The following ERMP1 variants were observed in gnomAD, a reference collection of about 807,000 sequenced individuals.
ERMP1 encodes Felix-ina.
Under a neutral mutation model 92.0 loss-of-function variants are expected in ERMP1, and 86 were observed. The ratio of observed to expected loss-of-function variants is 0.93; its 90% CI spans 0.79 to 1.12. ERMP1 has a LOEUF of 1.12. ERMP1 is among the 50% of genes most tolerant of loss of function. The pLI is 0.00. For synonymous variants in ERMP1, 530 were observed against 412.8 expected (o/e 1.28, Z -3.44); for missense variants, 1,342 against 1,116.3 (o/e 1.20, Z -2.88).
chr9:5,845,149 T>A (rs1586836948), intron 6 of ERMP1, among the ~76,000 whole-genome samples: 1 of 17,060 alleles, frequency 5.9e-5, no homozygotes, highest in African/African-American at 8.2e-5. Context: ...CAGTGTTTTT[T>A]TTTTTTGTTG....
rs1382759171 is a variant in ERMP1, at chr9:5,787,497, C to T, written c.2483G>A (p.Gly828Glu). 1.9e-6 allele frequency: 3 copies of T among 1,613,924 alleles called. No individual in the cohort carries two copies. Among genetic ancestry groups the T allele is most frequent in the East Asian group, 2.2e-5 (1 of 44,900 alleles). Residue 828 changes from glycine (G) to glutamate (E), a missense_variant, in exon 14 of 15, where the codon GGA becomes GAA. By Grantham distance (98) the Gly-to-Glu change is moderately conservative. Coordinates refer to ENST00000339450, the MANE Select transcript of ERMP1 (RefSeq NM_024896.3). ...ATGGGAGTAAAAGACAAAGTAGTCT[C>T]CTCCTTTACTTGTGACTGGGGTGCC... ...GNGTPVTSKG[G>E]DYFVFYSHGL...
rs757314718 is a variant in ERMP1, at chr9:5,786,140, T to G, written c.*1004A>C. 15 of 152,264 alleles carry G rather than the reference T, an allele frequency of 9.9e-5. No individual in the cohort carries two copies. Among genetic ancestry groups the G allele is most frequent in the Admixed American group, 7.2e-4 (11 of 15,278 alleles). 9.4% of individuals were successfully genotyped at this position (152,264 alleles called of 1,614,324 possible). On this transcript the variant is annotated 3_prime_UTR_variant, in exon 15 of 15. Transcript: ENST00000339450. Reference sequence around the variant, plus strand: ...AGAAAAACTAATCTATTCAACTGGCTGGAAAACAAAAAGATAGGCCCAGTG... The same window carrying G: ...AGAAAAACTAATCTATTCAACTGGCGGGAAAACAAAAAGATAGGCCCAGTG...
At chr9:5,857,827 G>T (rs1204881102) in intron 6 of ERMP1, among the ~76,000 whole-genome samples, 2 of 152,146 alleles carry the variant, frequency 1.3e-5, no homozygotes, top group South Asian at 2.1e-4. Context: ...TGTTTACTAA[G>T]CACCTAGCAA....
chr9:5,789,645 C>T (rs940022588), intron 13 of ERMP1, among the ~76,000 whole-genome samples: 4 of 152,016 alleles, frequency 2.6e-5, no homozygotes, highest in Non-Finnish European at 4.4e-5. Flanking sequence ...GGCTGGAATG[C>T]AGTGGCATGA....
chr9:5,849,414 G>A lies in ERMP1; in HGVS notation n.3199+10054C>T, dbSNP rs575620431. On this transcript the variant is annotated intron_variant and non_coding_transcript_variant, in intron 6 of 6. Coordinates refer to the ERMP1 transcript ENST00000690753. ...ATTTTACAGATGAGCAACCTGGTCC[G>A]GGGGAGGAGAACTGACTTAGCCAAA... Among the ~76,000 whole-genome samples the A allele has an allele frequency of 4.6e-5, 7 of 152,252 alleles. No individual in the cohort carries two copies. In the East Asian group the frequency reaches 9.7e-4, roughly 21 times the overall value.
intron 6 of ERMP1, among the ~76,000 whole-genome samples, chr9:5,853,527 C>T (rs1338508590): frequency 6.6e-6 from 1 of 151,974 alleles, no homozygotes; most frequent in East Asian, 1.9e-4. Flanking sequence ...AGATAAAGTT[C>T]AAAGAATTCT....
intron 6 of ERMP1, among the ~76,000 whole-genome samples, chr9:5,855,568 T>TGGGAA (rs1830363752): frequency 6.6e-6 from 1 of 152,258 alleles, no homozygotes; most frequent in Non-Finnish European, 1.5e-5. Context: ...AGTTGCTTTC[T>TGGGAA]TGTGGAGGTA....
chr9:5,832,837 G>T lies in ERMP1; in HGVS notation c.191C>A (p.Ala64Glu). The T allele has an allele frequency of 6.7e-7, 1 of 1,502,304 alleles. No individual in the cohort carries two copies. Among genetic ancestry groups the T allele is most frequent in the Non-Finnish European group, 8.8e-7 (1 of 1,133,798 alleles). 93.1% of individuals were successfully genotyped at this position (1,502,304 alleles called of 1,614,324 possible). Residue 64 changes from alanine to glutamate, a missense_variant, in exon 1 of 15, where the codon GCG (alanine) becomes GAG (glutamate). Coordinates refer to ENST00000339450, the MANE Select transcript of ERMP1 (RefSeq NM_024896.3). The stretch of plus-strand genomic sequence containing the variant: ...GCGCACCTCAGACAGCCCGGTCCCC[G>T]CGCCCCTGCTCGCGCCGCCGCTACC... ...PGGSGGASRG[A>E]GTGLSEVRAA...
At chr9:5,804,166 G>C (rs1828781049) in intron 10 of ERMP1, among the ~76,000 whole-genome samples, 1 of 151,992 alleles carries the variant, frequency 6.6e-6, no homozygotes, top group African/African-American at 2.4e-5. Context: ...TTCCTGTTTG[G>C]TTCCCTATCC....
chr9:5,845,151 TTTTTG>T (rs930069426), intron 6 of ERMP1, among the ~76,000 whole-genome samples: 42 of 18,172 alleles, frequency 2.3e-3, no homozygotes, highest in South Asian at 0.012. Flanking sequence ...GTGTTTTTTT[TTTTTG>T]TTGTTGTGGT....
chr9:5,840,483 G>T (rs1830148719), intron 6 of ERMP1, among the ~76,000 whole-genome samples: 1 of 152,174 alleles, frequency 6.6e-6, no homozygotes, highest in African/African-American at 2.4e-5. Flanking sequence ...ATGAATGTCA[G>T]GTCTGCACTG....
chr9:5,817,505 A>C (rs1406895285), intron 4 of ERMP1, among the ~76,000 whole-genome samples: 2 of 152,248 alleles, frequency 1.3e-5, no homozygotes, highest in South Asian at 2.1e-4. Context: ...CTATGCTCTT[A>C]ATCAGTACCC....
intron 6 of ERMP1, among the ~76,000 whole-genome samples, chr9:5,852,461 G>T (rs1389013924): frequency 6.6e-6 from 1 of 151,718 alleles, no homozygotes; most frequent in Non-Finnish European, 1.5e-5. Context: ...TTGCCATGTT[G>T]CCCAGGCTGG....
intron 6 of ERMP1, among the ~76,000 whole-genome samples, chr9:5,857,059 C>G (rs1417038072): frequency 6.6e-6 from 1 of 152,090 alleles, no homozygotes; most frequent in Non-Finnish European, 1.5e-5. Context: ...CTTACTCTGT[C>G]ACCCAAGCTG....
At chr9:5,839,779 C>G (rs1388776242) in intron 6 of ERMP1, among the ~76,000 whole-genome samples, 1 of 152,110 alleles carries the variant, frequency 6.6e-6, no homozygotes, top group African/African-American at 2.4e-5. Flanking sequence ...TGCTGCTTTC[C>G]AAGATGCCCA....
chr9:5,861,728 T>TTG (rs1554630370), intron 5 of ERMP1, among the ~76,000 whole-genome samples: 1 of 144,156 alleles, frequency 6.9e-6, no homozygotes, highest in Non-Finnish European at 1.5e-5. Context: ...TTTTTTTTTT[T>TTG]TTTTTTTTTT....
In ERMP1 at chr9:5,812,159, C is replaced by T. The variant is rs374027145; in HGVS notation, c.1080G>A (p.Ala360=). The change falls in exon 6 of 15, where the codon GCG becomes GCA. Residue 360 remains alanine (A), a synonymous_variant. Coordinates refer to ENST00000339450, the MANE Select transcript of ERMP1 (RefSeq NM_024896.3). ...GAATGGAATCTGTTAGAATTCTGTCCGCTGTGTCATACTTGGTGTGATAAA... is the reference window on the plus strand; with the variant it reads ...GAATGGAATCTGTTAGAATTCTGTCTGCTGTGTCATACTTGGTGTGATAAA... ...GYIYHTKYDT[A]DRILTDSIQR... 50 of 1,611,092 alleles carry T rather than the reference C, an allele frequency of 3.1e-5. No individual in the cohort carries two copies. Among genetic ancestry groups the T allele is most frequent in the African/African-American group, 1.7e-4 (13 of 74,868 alleles).
rs544476115 is a variant in ERMP1, at chr9:5,787,884, A to T, written c.2387-291T>A. Among the ~76,000 whole-genome samples the T allele has an allele frequency of 2.0e-4, 30 of 152,318 alleles. No homozygotes were observed. The South Asian group carries it at 4.6e-3, about 23-fold the overall frequency. On this transcript the variant is annotated intron_variant, in intron 13 of 14. Coordinates refer to ENST00000339450, the MANE Select transcript of ERMP1 (RefSeq NM_024896.3). ...ATTTAATCTATGTCACAATTTCTTCATTGAGGGGATTATATTAGAAAAAGC... is the reference window on the plus strand; with the variant it reads ...ATTTAATCTATGTCACAATTTCTTCTTTGAGGGGATTATATTAGAAAAAGC...
chr9:5,851,495 G>C (rs996960291), intron 6 of ERMP1, among the ~76,000 whole-genome samples: 1 of 152,172 alleles, frequency 6.6e-6, no homozygotes, highest in Non-Finnish European at 1.5e-5. Flanking sequence ...CATGCACACA[G>C]ATAATATATA....
Sources: gnomAD v4.1 joint callset for allele counts (sites outside exome capture counted in the v4.1 genomes callset) on GRCh38, gnomAD v4.1.1 for gene constraint, MANE v1.5 for transcripts, NCBI Gene and HGNC (gene_info 2026-07-23, HGNC 2026-07-21) for gene names.